Variants in PIGN observed in about 807,000 individuals in gnomAD.
PIGN encodes GPI ethanolamine phosphate transferase 1.
In PIGN, 117 loss-of-function variants were observed where a neutral mutation model predicts 125.4. The ratio of observed to expected loss-of-function variants is 0.93; its 90% CI spans 0.80 to 1.09. The LOEUF (loss-of-function observed/expected upper bound fraction) is 1.09, where lower values mean the gene tolerates loss of function less well. Ranked by LOEUF, PIGN falls within the 50% of genes least tolerant of loss-of-function variation. The pLI is 0.00. For synonymous variants in PIGN, 392 were observed against 377.8 expected (o/e 1.04, Z -0.44); for missense variants, 1,075 against 1,094.9 (o/e 0.98, Z 0.26).
chr18:62,155,870 G>A (rs1280808588), intron 6 of PIGN, among the ~76,000 whole-genome samples: 1 of 152,162 alleles, frequency 6.6e-6, no homozygotes, highest in Non-Finnish European at 1.5e-5. Context: ...GCTTTCCAAA[G>A]AAGGCAATAT....
At chr18:62,020,799 A>T (rs937848314) in intron 23 of PIGN, among the ~76,000 whole-genome samples, 3 of 88,566 alleles carry the variant, frequency 3.4e-5, no homozygotes, top group African/African-American at 1.2e-4. Context: ...AAATATTAAA[A>T]AAAAAAAAAA....
At chr18:62,168,139 G>A (rs1369845732) in intron 1 of PIGN, among the ~76,000 whole-genome samples, 6 of 151,720 alleles carry the variant, frequency 4.0e-5, no homozygotes, top group Admixed American at 3.9e-4. Flanking sequence ...AGCCAAGATT[G>A]CGCCATTGCA....
chr18:62,126,832 T>C (rs1289804785), intron 14 of PIGN, among the ~76,000 whole-genome samples: 1 of 152,178 alleles, frequency 6.6e-6, no homozygotes, highest in Non-Finnish European at 1.5e-5. Context: ...ACTCAGCAGA[T>C]CCACAACTGA....
At chr18:62,169,750 A>C (rs964890378) in intron 1 of PIGN, among the ~76,000 whole-genome samples, 11 of 152,062 alleles carry the variant, frequency 7.2e-5, no homozygotes, top group African/African-American at 2.7e-4. Flanking sequence ...CCTCCTGAGC[A>C]GCTGGGACCA....
intron 23 of PIGN, among the ~76,000 whole-genome samples, chr18:62,031,918 A>G (rs750355624): frequency 5.9e-5 from 9 of 152,114 alleles, no homozygotes; most frequent in Non-Finnish European, 1.0e-4. Flanking sequence ...ATATCCAGGT[A>G]CCAGTAGAGT....
chr18:62,024,655 A>G (rs1205631354), intron 23 of PIGN, among the ~76,000 whole-genome samples: 1 of 152,114 alleles, frequency 6.6e-6, no homozygotes, highest in Admixed American at 6.5e-5. Context: ...ATCCCTTAGA[A>G]GAACTCACTA....
chr18:62,132,962 T>C (rs934702888), intron 14 of PIGN, among the ~76,000 whole-genome samples: 5 of 152,218 alleles, frequency 3.3e-5, no homozygotes, highest in Admixed American at 6.5e-5. Flanking sequence ...CCCAAACTTA[T>C]GAGAGTTTGA....
intron 1 of PIGN, among the ~76,000 whole-genome samples, chr18:62,177,827 C>T (rs984293593): frequency 1.3e-5 from 2 of 152,050 alleles, no homozygotes; most frequent in African/African-American, 4.8e-5. Flanking sequence ...CCTTAAATGC[C>T]TAAAACAAAA....
chr18:62,126,061 T>A (rs1233631777), intron 14 of PIGN, among the ~76,000 whole-genome samples: 1 of 151,988 alleles, frequency 6.6e-6, no homozygotes, highest in Non-Finnish European at 1.5e-5. Flanking sequence ...GAGAAAAAAA[T>A]CTGAAAACAA....
At chr18:62,028,196 C>T (rs1263792558) in intron 23 of PIGN, among the ~76,000 whole-genome samples, 1 of 152,192 alleles carries the variant, frequency 6.6e-6, no homozygotes, top group Non-Finnish European at 1.5e-5. Flanking sequence ...TTTTCAGGTG[C>T]TTCACGCCTT....
intron 1 of PIGN, among the ~76,000 whole-genome samples, chr18:62,164,958 T>C (rs1046301770): frequency 2.0e-5 from 3 of 152,100 alleles, no homozygotes; most frequent in African/African-American, 7.2e-5. Flanking sequence ...ATAAGGAAGG[T>C]TGCTATGGTT....
chr18:62,100,823 T>C (rs1167505913), intron 22 of PIGN, among the ~76,000 whole-genome samples: 2 of 152,224 alleles, frequency 1.3e-5, no homozygotes, highest in East Asian at 3.8e-4. Flanking sequence ...TCAAATCTTA[T>C]GAGATGTTAA....
chr18:62,030,317 T>C (rs2030178159), intron 23 of PIGN, among the ~76,000 whole-genome samples: 1 of 152,156 alleles, frequency 6.6e-6, no homozygotes, highest in Non-Finnish European at 1.5e-5. Flanking sequence ...CACACAGAGA[T>C]CCTGGGGGGA....
At chr18:62,158,909 T>G (rs991078315) in intron 4 of PIGN, among the ~76,000 whole-genome samples, 2 of 152,188 alleles carry the variant, frequency 1.3e-5, no homozygotes, top group African/African-American at 4.8e-5. Flanking sequence ...TTAAAAGCAT[T>G]AGTTTAGATA....
At chr18:62,114,156 G>A (rs2034993214) in intron 15 of PIGN, among the ~76,000 whole-genome samples, 1 of 152,168 alleles carries the variant, frequency 6.6e-6, no homozygotes, top group Admixed American at 6.5e-5. Context: ...GATGTCAGAA[G>A]TTCAAGACCA....
At chr18:62,162,812 T>C (rs1188950056) in intron 2 of PIGN, among the ~76,000 whole-genome samples, 1 of 152,154 alleles carries the variant, frequency 6.6e-6, no homozygotes, top group African/African-American at 2.4e-5. Flanking sequence ...AGAATAATAA[T>C]CACTGTCCTT....
At chr18:62,073,332 G>A (rs2032997407) in intron 29 of PIGN, among the ~76,000 whole-genome samples, 1 of 152,084 alleles carries the variant, frequency 6.6e-6, no homozygotes, top group Non-Finnish European at 1.5e-5. Context: ...TAAGTAAAAA[G>A]TAGGAGTCAG....
At chr18:62,021,276 ACACAAATTGT>A (rs1473491786) in intron 23 of PIGN, among the ~76,000 whole-genome samples, 1 of 152,238 alleles carries the variant, frequency 6.6e-6, no homozygotes, top group African/African-American at 2.4e-5. Context: ...ATGGATAGAT[ACACAAATTGT>A]TGTGTATGTC....
rs1220795520 is a variant in PIGN, at chr18:62,041,640, G to GGTGTGTGTGTGTGTGTGTGTGTGTGTGT, written c.*4188_*4215dup. ...ATTACAGGAGCCTACCACCCCGCCGGGTGTGTGTGTGTGTGTGTGTGTGTG... is the reference window on the plus strand; with the variant it reads ...ATTACAGGAGCCTACCACCCCGCCGGGTGTGTGTGTGTGTGTGTGTGTGTGTGTGTGTGTGTGTGTGTGTGTGTGTGTG... On this transcript the variant is annotated 3_prime_UTR_variant, in exon 31 of 31. Coordinates refer to ENST00000640252, the MANE Select transcript of PIGN (RefSeq NM_176787.5). The GGTGTGTGTGTGTGTGTGTGTGTGTGTGT allele has an allele frequency of 2.6e-5, 2 of 77,540 alleles. No individual in the cohort carries two copies. The highest frequency in any genetic ancestry group is 5.4e-5 in the African/African-American group (1 of 18,492). The allele number at this position is 77,540 out of a possible 1,614,324, so 4.8% of individuals were successfully genotyped here.
Sources: gnomAD v4.1 joint callset for allele counts (sites outside exome capture counted in the v4.1 genomes callset) on GRCh38, gnomAD v4.1.1 for gene constraint, MANE v1.5 for transcripts, NCBI Gene and HGNC (gene_info 2026-07-23, HGNC 2026-07-21) for gene names.